The following GRB14 variants were observed in gnomAD, a reference collection of about 807,000 sequenced individuals.
GRB14 encodes growth factor receptor bound protein 14.
Under a neutral mutation model 69.1 loss-of-function variants are expected in GRB14, and 38 were observed. The observed-to-expected ratio is 0.55, with a 90% CI of 0.42 to 0.72. The LOEUF (loss-of-function observed/expected upper bound fraction) is 0.72. Among genes scored for constraint, GRB14 ranks in the 30% least tolerant of loss-of-function variants. GRB14 has a pLI of 0.00. For synonymous variants in GRB14, 247 were observed against 241.3 expected (o/e 1.02, Z -0.22); for missense variants, 666 against 666.1 (o/e 1.00, Z 0.00).
At chr2:164,514,474 T>C (rs1002776298) in intron 6 of GRB14, among the ~76,000 whole-genome samples, 6 of 152,034 alleles carry the variant, frequency 3.9e-5, no homozygotes, top group Admixed American at 1.3e-4. Flanking sequence ...GATTTGACAT[T>C]ACCTACAGCT....
intron 2 of GRB14, among the ~76,000 whole-genome samples, chr2:164,605,342 G>A (rs1690018131): frequency 6.6e-6 from 1 of 152,130 alleles, no homozygotes; most frequent in African/African-American, 2.4e-5. Flanking sequence ...CATGAGAGAA[G>A]AAGCAAGTTT....
chr2:164,540,857 A>G (rs1688217216), intron 3 of GRB14, among the ~76,000 whole-genome samples: 1 of 152,180 alleles, frequency 6.6e-6, no homozygotes, highest in Non-Finnish European at 1.5e-5. Context: ...GTCAATAAAT[A>G]TTTGCTAAAC....
chr2:164,561,950 A>T (rs189133803), intron 2 of GRB14, among the ~76,000 whole-genome samples: 63 of 152,328 alleles, frequency 4.1e-4, no homozygotes, highest in African/African-American at 1.5e-3. Flanking sequence ...TTTCATCCCA[A>T]AAGATGAGAA....
intron 12 of GRB14, among the ~76,000 whole-genome samples, chr2:164,495,893 A>ACAAT (rs1411950934): frequency 2.6e-5 from 4 of 152,328 alleles, no homozygotes; most frequent in East Asian, 1.9e-4. Context: ...CTTTTTTTAT[A>ACAAT]CGATCATTTC....
intron 2 of GRB14, among the ~76,000 whole-genome samples, chr2:164,607,849 A>G (rs1391428831): frequency 6.6e-6 from 1 of 152,180 alleles, no homozygotes; most frequent in Admixed American, 6.5e-5. Flanking sequence ...GGCCAAACCA[A>G]AAGTACGAGG....
At chr2:164,545,712 T>C (rs2105308297) in intron 3 of GRB14, among the ~76,000 whole-genome samples, 1 of 152,334 alleles carries the variant, frequency 6.6e-6, no homozygotes, top group Non-Finnish European at 1.5e-5. Context: ...AAGAATCGAA[T>C]GACACTGCCA....
chr2:164,541,116 C>T (rs1047150644), intron 3 of GRB14, among the ~76,000 whole-genome samples: 3 of 151,932 alleles, frequency 2.0e-5, no homozygotes, highest in African/African-American at 7.3e-5. Flanking sequence ...ATTTTGTTTA[C>T]TTCATGATTT....
intron 6 of GRB14, among the ~76,000 whole-genome samples, chr2:164,520,215 C>T (rs1256761614): frequency 6.6e-6 from 1 of 152,002 alleles, no homozygotes; most frequent in Non-Finnish European, 1.5e-5. Context: ...TACTTAACAG[C>T]CAACTGGTCT....
Position 164,621,330 on chromosome 2 carries a change from G to T in GRB14, c.-21C>A. 1 of 1,278,942 alleles carries T rather than the reference G, an allele frequency of 7.8e-7. No homozygotes were observed. The highest frequency in any genetic ancestry group is 3.4e-5 in the South Asian group (1 of 29,252). 79.2% of individuals were successfully genotyped at this position (1,278,942 alleles called of 1,614,324 possible). A position where few individuals can be genotyped will look rare whatever the true frequency, so the allele number is the denominator to read the frequency against. On this transcript the variant is annotated 5_prime_UTR_variant, in exon 1 of 14. Coordinates refer to ENST00000263915, the MANE Select transcript of GRB14 (RefSeq NM_004490.3). The surrounding 1 kb of genome is among the most constrained non-coding windows in gnomAD (Gnocchi z 6.0). ...GTCATTGTCGCCGGCCGGGGGGCTCGGGCGTCATGGGAGACTCGGCGCGTG... is the reference window on the plus strand; with the variant it reads ...GTCATTGTCGCCGGCCGGGGGGCTCTGGCGTCATGGGAGACTCGGCGCGTG...
intron 5 of GRB14, among the ~76,000 whole-genome samples, 179 bp downstream of exon 5, chr2:164,524,825 T>G (rs536129109): frequency 1.6e-4 from 25 of 152,154 alleles, no homozygotes; most frequent in Admixed American, 1.0e-3. Context: ...TTAAAGAGCT[T>G]TATTGATTTA....
intron 6 of GRB14, among the ~76,000 whole-genome samples, chr2:164,515,052 C>T (rs1018150819): frequency 1.3e-5 from 2 of 152,180 alleles, no homozygotes; most frequent in African/African-American, 4.8e-5. Context: ...GCAGCCGCAG[C>T]AAGCCCTGCC....
intron 2 of GRB14, among the ~76,000 whole-genome samples, chr2:164,566,855 T>C (rs1170117039): frequency 6.6e-6 from 1 of 152,134 alleles, no homozygotes; most frequent in Non-Finnish European, 1.5e-5. Flanking sequence ...GTTATACAGA[T>C]GAGGAAGTAA....
intron 2 of GRB14, among the ~76,000 whole-genome samples, chr2:164,560,658 GTT>G (rs1688800298): frequency 6.6e-6 from 1 of 152,008 alleles, no homozygotes; most frequent in South Asian, 2.1e-4. Flanking sequence ...CAAACTTGGA[GTT>G]TTCGCTGGGA....
At chr2:164,614,299 T>G (rs1282100794) in intron 2 of GRB14, among the ~76,000 whole-genome samples, 1 of 152,240 alleles carries the variant, frequency 6.6e-6, no homozygotes, top group Non-Finnish European at 1.5e-5. Context: ...TCCAATTAAA[T>G]GGGATTTTGT....
intron 2 of GRB14, among the ~76,000 whole-genome samples, chr2:164,593,132 A>T (rs1689706365): frequency 6.6e-6 from 1 of 152,186 alleles, no homozygotes; most frequent in Non-Finnish European, 1.5e-5. Flanking sequence ...TATAACTACA[A>T]TTATTTATAT....
chr2:164,577,083 G>T (rs1463457378), intron 2 of GRB14, among the ~76,000 whole-genome samples: 1 of 152,078 alleles, frequency 6.6e-6, no homozygotes, highest in Non-Finnish European at 1.5e-5. Context: ...AAAATTCAAA[G>T]AAATTAATTG....
intron 2 of GRB14, among the ~76,000 whole-genome samples, chr2:164,587,465 C>T (rs968752039): frequency 6.6e-6 from 1 of 152,154 alleles, no homozygotes; most frequent in Non-Finnish European, 1.5e-5. Flanking sequence ...TTTTAAAATG[C>T]AGTTTATTGG....
rs1012214151 is a variant in GRB14, at chr2:164,573,608, T to C, written c.325-25792A>G. Reference sequence around the variant, plus strand: ...GTAAGTCACCCTTTATATAATAGTTTTATTATTTCATCTTTCTTTAATAGT... The same window carrying C: ...GTAAGTCACCCTTTATATAATAGTTCTATTATTTCATCTTTCTTTAATAGT... On this transcript the variant is annotated intron_variant, in intron 2 of 13. Coordinates refer to ENST00000263915, the MANE Select transcript of GRB14 (RefSeq NM_004490.3). 30 of 1,295,780 alleles carry C rather than the reference T, an allele frequency of 2.3e-5. 1 individual carries two copies. In the African/African-American group the frequency reaches 4.3e-4, roughly 19 times the overall value. 80.3% of individuals were successfully genotyped at this position (1,295,780 alleles called of 1,614,324 possible).
At chr2:164,598,318 T>C (rs1689834578) in intron 2 of GRB14, among the ~76,000 whole-genome samples, 1 of 152,218 alleles carries the variant, frequency 6.6e-6, no homozygotes, top group South Asian at 2.1e-4. Flanking sequence ...AATTGAATTT[T>C]GAATAGCATT....
Sources: gnomAD v4.1 joint callset for allele counts (sites outside exome capture counted in the v4.1 genomes callset) on GRCh38, gnomAD v4.1.1 for gene constraint, Gnocchi (gnomAD v3.1) non-coding constraint, MANE v1.5 for transcripts, NCBI Gene and HGNC (gene_info 2026-07-23, HGNC 2026-07-21) for gene names.